COL12A1: variants seen among roughly 807,000 people sequenced by gnomAD.
The protein encoded by COL12A1 is collagen alpha-1(XII) chain.
In COL12A1, 114 loss-of-function variants were observed where a neutral mutation model predicts 349.7. The ratio of observed to expected loss-of-function variants is 0.33; its 90% confidence interval spans 0.28 to 0.38. The LOEUF (loss-of-function observed/expected upper bound fraction) is 0.38. COL12A1 is among the 10% of genes least tolerant of loss of function. The pLI is 1.00. For missense variants in COL12A1, 3,284 were observed against 3,756.9 expected, an observed-to-expected ratio of 0.87 and a Z score of 3.29; for synonymous variants, 1,369 against 1,329.0, an observed-to-expected ratio of 1.03 and a Z score of -0.66.
chr6:75,173,485 T>C (rs1234450114), intron 13 of COL12A1, among the ~76,000 whole-genome samples: 1 of 152,152 alleles, frequency 6.6e-6, no homozygotes, highest in Non-Finnish European at 1.5e-5. Context: ...CAAGTGATTC[T>C]CCTGCCTCAG....
chr6:75,132,859 C>T (rs1400260259), intron 34 of COL12A1, among the ~76,000 whole-genome samples: 2 of 152,152 alleles, frequency 1.3e-5, no homozygotes, highest in Non-Finnish European at 2.9e-5. Flanking sequence ...TAAATGAAAG[C>T]ATACAGATTT....
At chr6:75,184,970 G>A (rs759582490) in intron 8 of COL12A1, among the ~76,000 whole-genome samples, 8 of 151,992 alleles carry the variant, frequency 5.3e-5, no homozygotes, top group Admixed American at 3.3e-4. Flanking sequence ...TTTACACATC[G>A]CCTCCTCAAA....
chr6:75,147,526 T>G, intron 23 of COL12A1, 149 bp downstream of exon 23: 2 of 771,740 alleles, frequency 2.6e-6, no homozygotes, highest in East Asian at 5.7e-5. Flanking sequence ...CTGAGTATTT[T>G]CTGGGCACCT....
chr6:75,128,259 C>T, intron 38 of COL12A1, 37 bp downstream of exon 38: 1 of 1,517,326 alleles, frequency 6.6e-7, no homozygotes, highest in Non-Finnish European at 8.8e-7. Context: ...TTGACAATTT[C>T]AAAGCAAAAA....
In COL12A1 at chr6:75,142,015, G is replaced by C. The variant is rs756606303; in HGVS notation, c.4957+17C>G. On this transcript the variant is annotated intron_variant, in intron 27 of 65. Transcript: ENST00000322507. ...AGTGTTGTTTCCCATTATCAGTGGA[G>C]CAGGAGCACAACTCACGGGTAGTTT... 1 of 1,613,826 alleles carries C rather than the reference G, an allele frequency of 6.2e-7. No homozygotes were observed. The highest frequency in any genetic ancestry group is 8.5e-7 in the Non-Finnish European group (1 of 1,179,886).
chr6:75,121,048 A>T (rs1457238430), intron 44 of COL12A1, among the ~76,000 whole-genome samples: 1 of 152,224 alleles, frequency 6.6e-6, no homozygotes, highest in Non-Finnish European at 1.5e-5. Context: ...AGGAAGTTAG[A>T]GTCCCTTAGA....
At chr6:75,127,397 C>A (rs575582854) in intron 38 of COL12A1, among the ~76,000 whole-genome samples, 1 of 152,256 alleles carries the variant, frequency 6.6e-6, no homozygotes, top group East Asian at 1.9e-4. Flanking sequence ...CAAATGTCAC[C>A]TCTTCAAATT....
Position 75,113,644 on chromosome 6 carries a change from T to C in COL12A1, c.7798A>G (p.Thr2600Ala). The change falls in exon 50 of 66, where the codon ACA (threonine) becomes GCA (alanine). Residue 2600 changes from threonine to alanine, a missense_variant. By Grantham distance (58) the Thr-to-Ala change is moderately conservative (BLOSUM62 0). Transcript: ENST00000322507. ...PSDPFAIWQI[T>A]DRDYKPQVGV... ...ACTTGTGGTTTGTAGTCTCTGTCTGTGATTTGCCAAATTGCAAAAGGGTCA... is the reference window on the plus strand; with the variant it reads ...ACTTGTGGTTTGTAGTCTCTGTCTGCGATTTGCCAAATTGCAAAAGGGTCA... 1 of 1,610,706 alleles carries C rather than the reference T, an allele frequency of 6.2e-7. No homozygotes were observed. Among genetic ancestry groups the C allele is most frequent in the Non-Finnish European group, 8.5e-7 (1 of 1,177,750 alleles).
chr6:75,105,368 T>A, intron 53 of COL12A1, 76 bp from the exon 54 acceptor site: 1 of 963,654 alleles, frequency 1.0e-6, no homozygotes, highest in South Asian at 1.4e-5. Context: ...CCCACTTACA[T>A]GCACAAGGAA....
At chr6:75,181,388 T>C (rs893128146) in intron 10 of COL12A1, among the ~76,000 whole-genome samples, 177 bp from the exon 11 acceptor site, 3 of 152,162 alleles carry the variant, frequency 2.0e-5, no homozygotes, top group Admixed American at 6.5e-5. Context: ...CCCCCACAAC[T>C]TACAACCCAA....
At position 75,134,143 on chromosome 6, in the gene COL12A1, T is replaced by G. The variant is rs964481929; in HGVS notation, c.5525-146A>C. 3.6e-6 allele frequency: 3 copies of G among 844,812 alleles called. No homozygotes were observed. In the African/African-American group the frequency reaches 5.1e-5, roughly 14 times the overall value. The allele number at this position is 844,812 out of a possible 1,614,324, so 52.3% of individuals were successfully genotyped here. ...GAAGTAGTGAATAAACGACACACAC[T>G]GTGTCCGCGTCAGCCTGATGCATAT... On this transcript the variant is annotated intron_variant, in intron 32 of 65. Transcript: ENST00000322507.
chr6:75,178,850 G>C (rs1417790502), intron 11 of COL12A1, among the ~76,000 whole-genome samples: 1 of 152,180 alleles, frequency 6.6e-6, no homozygotes, highest in Non-Finnish European at 1.5e-5. Flanking sequence ...GAAGAGAAAG[G>C]AAGGAAGTAT....
intron 36 of COL12A1, 58 bp from the exon 37 acceptor site, chr6:75,130,291 G>C (rs1039890049): frequency 3.5e-5 from 54 of 1,549,988 alleles, no homozygotes; most frequent in Non-Finnish European, 4.4e-5. Context: ...ACCTAAGTCA[G>C]ATTAAGGAGG....
chr6:75,165,854 G>C (rs979698927), intron 13 of COL12A1, 75 bp from the exon 14 acceptor site: 3 of 1,414,270 alleles, frequency 2.1e-6, no homozygotes, highest in Non-Finnish European at 1.9e-6. Flanking sequence ...CATTGATCCT[G>C]GTAGAGATTC....
intron 2 of COL12A1, 122 bp from the exon 3 acceptor site, chr6:75,195,069 C>A: frequency 3.5e-6 from 2 of 564,636 alleles, no homozygotes; most frequent in Non-Finnish European, 6.1e-6. Flanking sequence ...TTGTTTCCAA[C>A]AAATATAAAA....
chr6:75,113,651 C>G lies in COL12A1; in HGVS notation c.7791G>C (p.Trp2597Cys). ...GTTTGTAGTCTCTGTCTGTGATTTG[C>G]CAAATTGCAAAAGGGTCACTGGGAG... ...PETPSDPFAI[W>C]QITDRDYKPQ... is the part of the protein sequence containing the mutation. The change falls in exon 50 of 66, where the codon TGG (tryptophan) becomes TGC (cysteine). Residue 2597 changes from tryptophan (W) to cysteine (C), a missense_variant. Trp to Cys is a radical substitution (Grantham distance 215). This residue lies in a region of COL12A1 where 683 missense variants were observed against 932.1 expected (regional missense o/e 0.73). Coordinates refer to ENST00000322507, the MANE Select transcript of COL12A1 (RefSeq NM_004370.6). 1 of 1,609,084 alleles carries G rather than the reference C, an allele frequency of 6.2e-7. No homozygotes were observed. Among genetic ancestry groups the G allele is most frequent in the Non-Finnish European group, 8.5e-7 (1 of 1,176,824 alleles).
chr6:75,091,897 C>T (rs992804571), intron 60 of COL12A1, among the ~76,000 whole-genome samples: 3 of 152,180 alleles, frequency 2.0e-5, no homozygotes, highest in African/African-American at 7.2e-5. Flanking sequence ...TTTATATCAT[C>T]ATAGTTGGTT....
intron 2 of COL12A1, among the ~76,000 whole-genome samples, chr6:75,199,842 A>C (rs896589134): frequency 2.6e-5 from 4 of 152,248 alleles, no homozygotes; most frequent in Non-Finnish European, 5.9e-5. Flanking sequence ...ACAAATAAGC[A>C]GAAGAAAAAC....
At chr6:75,134,374 A>C (rs1268115613) in intron 32 of COL12A1, among the ~76,000 whole-genome samples, 1 of 152,136 alleles carries the variant, frequency 6.6e-6, no homozygotes, top group Non-Finnish European at 1.5e-5. Context: ...GTTCAAGACC[A>C]GCCTGGCCAA....
Sources: allele counts gnomAD v4.1 joint callset (sites outside exome capture counted in the v4.1 genomes callset), GRCh38; gene constraint gnomAD v4.1.1; regional missense constraint gnomAD v4.1.1; transcripts MANE v1.5; gene names NCBI Gene and HGNC (gene_info 2026-07-23, HGNC 2026-07-21).